Variants in GPC5 observed in about 807,000 individuals in gnomAD.
The protein encoded by GPC5 is glypican 5.
Under a neutral mutation model 53.9 loss-of-function variants are expected in GPC5, and 47 were observed. That is an observed-to-expected ratio of 0.87 (90% CI 0.69 to 1.11). GPC5 has a LOEUF of 1.11. Ranked by LOEUF, GPC5 falls within the 50% of genes most tolerant of loss-of-function variation. The pLI is 0.00. For synonymous variants in GPC5, 286 were observed against 263.3 expected (o/e 1.09, Z -0.84); for missense variants, 748 against 713.1 (o/e 1.05, Z -0.56).
At chr13:91,767,736 A>G (rs1594543501) in intron 5 of GPC5, among the ~76,000 whole-genome samples, 1 of 152,228 alleles carries the variant, frequency 6.6e-6, no homozygotes, top group Non-Finnish European at 1.5e-5. Context: ...ACACGCGTCC[A>G]GAGGTTGAAT....
At chr13:92,494,689 G>A (rs1309426893) in intron 7 of GPC5, among the ~76,000 whole-genome samples, 2 of 151,932 alleles carry the variant, frequency 1.3e-5, no homozygotes, top group East Asian at 3.9e-4. Flanking sequence ...TTAATATTTT[G>A]ACTTTATAGG....
intron 2 of GPC5, among the ~76,000 whole-genome samples, chr13:91,555,616 G>T (rs1829521298): frequency 6.6e-6 from 1 of 151,916 alleles, no homozygotes; most frequent in South Asian, 2.1e-4. Context: ...GGTTTGCATA[G>T]ACCAGCTGTA....
intron 1 of GPC5, among the ~76,000 whole-genome samples, chr13:91,439,175 A>T (rs1394263009): frequency 6.6e-6 from 1 of 152,190 alleles, no homozygotes; most frequent in Non-Finnish European, 1.5e-5. Flanking sequence ...AGTGGTTCTC[A>T]ACCAGAGATG....
intron 7 of GPC5, among the ~76,000 whole-genome samples, chr13:92,758,865 T>C (rs184962434): frequency 1.3e-5 from 2 of 152,208 alleles, no homozygotes; most frequent in Admixed American, 1.3e-4. Context: ...ATTTCCAGTC[T>C]CATATGTAGG....
chr13:92,703,560 AG>A (rs1887833596), intron 7 of GPC5, among the ~76,000 whole-genome samples: 1 of 145,282 alleles, frequency 6.9e-6, no homozygotes. Flanking sequence ...AGTATAGAAA[AG>A]GGTTAATATT....
At chr13:91,879,009 T>C (rs75398400) in intron 5 of GPC5, among the ~76,000 whole-genome samples, 4,995 of 152,300 alleles carry the variant, frequency 0.033, 124 homozygotes, top group Middle Eastern at 0.061. Flanking sequence ...TGTCTCTCTC[T>C]AATTCTTGCA....
At chr13:92,284,828 G>A (rs1346844824) in intron 7 of GPC5, among the ~76,000 whole-genome samples, 4 of 152,154 alleles carry the variant, frequency 2.6e-5, no homozygotes, top group Non-Finnish European at 4.4e-5. Context: ...TTGAAACCCG[G>A]CACAAGACAG....
In GPC5 at chr13:92,691,215, C is replaced by G. The variant is rs1164603344; in HGVS notation, c.1562-175067C>G. 2.0e-5 allele frequency among the ~76,000 whole-genome samples: 2 copies of G among 101,656 alleles called. 1 individual carries two copies. Among genetic ancestry groups the G allele is most frequent in the Non-Finnish European group, 3.8e-5 (2 of 52,810 alleles). 66.7% of individuals were successfully genotyped at this position (101,656 alleles called of 152,430 possible). A position where few individuals can be genotyped will look rare whatever the true frequency, so the allele number is the denominator to read the frequency against. ...CTCAGACTGCTGTGCTAGCAATCAGCGAGATTCCGTGGGCTAGGACCCTCT... is the reference window on the plus strand; with the variant it reads ...CTCAGACTGCTGTGCTAGCAATCAGGGAGATTCCGTGGGCTAGGACCCTCT... On this transcript the variant is annotated intron_variant, in intron 7 of 7. Coordinates refer to ENST00000377067, the MANE Select transcript of GPC5 (RefSeq NM_004466.6).
intron 2 of GPC5, among the ~76,000 whole-genome samples, chr13:91,671,693 C>T (rs2035246099): frequency 7.0e-6 from 1 of 142,012 alleles, no homozygotes; most frequent in Non-Finnish European, 1.5e-5. Flanking sequence ...ATCAAACTAC[C>T]ATTAACATTC....
At chr13:92,108,416 C>T (rs747169708) in intron 6 of GPC5, among the ~76,000 whole-genome samples, 97 of 152,190 alleles carry the variant, frequency 6.4e-4, no homozygotes, top group African/African-American at 1.4e-3. Context: ...TAATGCCCTG[C>T]GAAATCATTA....
At chr13:92,436,273 A>G (rs1427319353) in intron 7 of GPC5, among the ~76,000 whole-genome samples, 3 of 150,726 alleles carry the variant, frequency 2.0e-5, no homozygotes, top group African/African-American at 5.0e-5. Flanking sequence ...ATTTTACACA[A>G]TCTGGTATAT....
chr13:92,412,965 C>T (rs1876114736), intron 7 of GPC5, among the ~76,000 whole-genome samples: 1 of 152,202 alleles, frequency 6.6e-6, no homozygotes, highest in Non-Finnish European at 1.5e-5. Flanking sequence ...AGACACATTA[C>T]TGTCAGATAA....
intron 7 of GPC5, among the ~76,000 whole-genome samples, chr13:92,599,237 T>C (rs1883970960): frequency 6.6e-6 from 1 of 152,198 alleles, no homozygotes; most frequent in South Asian, 2.1e-4. Flanking sequence ...TATAATACTG[T>C]GCAGTGAGTG....
At chr13:91,861,562 A>G (rs2039028717) in intron 5 of GPC5, among the ~76,000 whole-genome samples, 1 of 151,888 alleles carries the variant, frequency 6.6e-6, no homozygotes, top group South Asian at 2.1e-4. Context: ...TATATGGTTT[A>G]TCTTTTTGTA....
chr13:92,257,657 TCTC>T (rs2139137051), intron 7 of GPC5, among the ~76,000 whole-genome samples: 1 of 148,740 alleles, frequency 6.7e-6, no homozygotes, highest in Admixed American at 6.9e-5. Context: ...TTCAAACAAT[TCTC>T]CTGCCTTAGC....
chr13:92,121,252 A>G (rs2041646679), intron 6 of GPC5, among the ~76,000 whole-genome samples: 1 of 152,118 alleles, frequency 6.6e-6, no homozygotes, highest in Non-Finnish European at 1.5e-5. Context: ...TCCAGAGCCA[A>G]TGGGCTTAGT....
At chr13:92,136,152 A>G (rs886517279) in intron 6 of GPC5, among the ~76,000 whole-genome samples, 1 of 152,158 alleles carries the variant, frequency 6.6e-6, no homozygotes, top group African/African-American at 2.4e-5. Flanking sequence ...TTGTGTCTCA[A>G]TTGAAATATG....
intron 7 of GPC5, among the ~76,000 whole-genome samples, chr13:92,482,599 A>G (rs1879401532): frequency 6.6e-6 from 1 of 152,130 alleles, no homozygotes; most frequent in Non-Finnish European, 1.5e-5. Context: ...TACTAGTTAT[A>G]TAATTAAATT....
In GPC5 at chr13:92,426,626, T is replaced by C. The variant is rs183890689; in HGVS notation, c.1561+281637T>C. Among the ~76,000 whole-genome samples, 429 of 152,172 alleles carry C rather than the reference T, an allele frequency of 2.8e-3. 2 individuals carry two copies. The highest frequency in any genetic ancestry group is 9.7e-3 in the African/African-American group (404 of 41,552). On this transcript the variant is annotated intron_variant, in intron 7 of 7. Transcript: ENST00000377067. The stretch of plus-strand genomic sequence containing the variant: ...AAAGAGCAATGAGAATCTTTCCCTG[T>C]TTTTAGAGTTCTTCTGGCTTATTTT...
Sources: gnomAD v4.1 joint callset for allele counts (sites outside exome capture counted in the v4.1 genomes callset) on GRCh38, gnomAD v4.1.1 for gene constraint, MANE v1.5 for transcripts, NCBI Gene and HGNC (gene_info 2026-07-23, HGNC 2026-07-21) for gene names.